Variants in CCN4 observed in about 807,000 individuals in gnomAD.
CCN4 encodes the protein CCN family member 4.
A neutral mutation model predicts 36.7 loss-of-function variants in CCN4; 30 were observed. The ratio of observed to expected loss-of-function variants is 0.82; its 90% CI spans 0.61 to 1.11. The LOEUF is 1.11. Among genes scored for constraint, CCN4 ranks in the 50% least tolerant of loss-of-function variants. The pLI is 0.00. For synonymous variants in CCN4, 191 were observed against 195.4 expected, an observed-to-expected ratio of 0.98 and a Z score of 0.19; for missense variants, 505 against 504.9, an observed-to-expected ratio of 1.00 and a Z score of 0.00.
chr8:133,205,759 A>C (rs776190022), intron 1 of CCN4, among the ~76,000 whole-genome samples: 1 of 152,196 alleles, frequency 6.6e-6, no homozygotes, highest in Non-Finnish European at 1.5e-5. Flanking sequence ...CAGCCCCCAG[A>C]AGGAAAGCAC....
intron 1 of CCN4, among the ~76,000 whole-genome samples, chr8:133,203,437 C>T (rs1338841537): frequency 6.6e-5 from 10 of 152,148 alleles, no homozygotes; most frequent in Admixed American, 5.9e-4. Flanking sequence ...AAGGGTTCTG[C>T]AGGGACACTC....
chr8:133,206,940 A>G lies in CCN4; in HGVS notation c.70-5924A>G, dbSNP rs1853797183. On this transcript the variant is annotated intron_variant, in intron 1 of 4. Transcript: ENST00000250160. ...GAGGAGTGAAAGCCGCCATGGCACC[A>G]TGCACCTCCAGTTGATCAGGGCCCC... 2.0e-5 allele frequency among the ~76,000 whole-genome samples: 3 copies of G among 152,138 alleles called. 1 individual carries two copies. In the South Asian group the frequency reaches 6.2e-4, roughly 31 times the overall value.
intron 1 of CCN4, among the ~76,000 whole-genome samples, chr8:133,196,397 A>C (rs971818048): frequency 3.3e-5 from 5 of 152,254 alleles, no homozygotes; most frequent in Non-Finnish European, 7.3e-5. Context: ...CTCCATATTG[A>C]GATGATAATA....
intron 1 of CCN4, among the ~76,000 whole-genome samples, chr8:133,206,610 GTGTGTA>G (rs1212098278): frequency 6.6e-6 from 1 of 152,198 alleles, no homozygotes; most frequent in African/African-American, 2.4e-5. Flanking sequence ...GCGCATGTGT[GTGTGTA>G]TGACAGAGAC....
intron 1 of CCN4, among the ~76,000 whole-genome samples, chr8:133,202,767 GT>G (rs1241476761): frequency 6.6e-6 from 1 of 152,204 alleles, no homozygotes; most frequent in Non-Finnish European, 1.5e-5. Flanking sequence ...CAGGACCACT[GT>G]CCCAGGCCCC....
intron 2 of CCN4, among the ~76,000 whole-genome samples, chr8:133,216,410 G>A (rs1301631371): frequency 6.6e-6 from 1 of 152,104 alleles, no homozygotes; most frequent in Non-Finnish European, 1.5e-5. Context: ...GCAAGCCCTG[G>A]CTTTCAGAGA....
intron 2 of CCN4, among the ~76,000 whole-genome samples, chr8:133,218,237 A>T (rs1854397797): frequency 1.3e-5 from 2 of 152,162 alleles, no homozygotes; most frequent in Admixed American, 1.3e-4. Flanking sequence ...TCATGAAGTC[A>T]TTGGGAGAAC....
intron 1 of CCN4, among the ~76,000 whole-genome samples, chr8:133,192,427 C>A (rs1463275524): frequency 6.6e-6 from 1 of 152,142 alleles, no homozygotes; most frequent in African/African-American, 2.4e-5. Context: ...ATAGTTGGTT[C>A]AGAACCACCT....
Position 133,208,886 on chromosome 8 carries a change from T to C in CCN4, c.70-3978T>C, listed in dbSNP as rs192775813. ...GCACAAAATAAAAGCTGACTACAGG[T>C]GTGTTGAATAAATAAATGAAAGGGA... On this transcript the variant is annotated intron_variant, in intron 1 of 4. Transcript: ENST00000250160. 2.0e-3 allele frequency among the ~76,000 whole-genome samples: 301 copies of C among 152,126 alleles called. 2 individuals carry two copies. Among genetic ancestry groups the C allele is most frequent in the African/African-American group, 7.0e-3 (292 of 41,506 alleles).
chr8:133,222,542 G>A (rs914763597), intron 3 of CCN4, among the ~76,000 whole-genome samples: 4 of 151,596 alleles, frequency 2.6e-5, no homozygotes, highest in Non-Finnish European at 5.9e-5. Flanking sequence ...GGCTGGGATG[G>A]CCTGAGGGTA....
intron 1 of CCN4, among the ~76,000 whole-genome samples, chr8:133,208,805 A>C (rs1853876837): frequency 6.6e-6 from 1 of 151,998 alleles, no homozygotes. Flanking sequence ...CTGTCATCCC[A>C]CAGGCAGGTC....
At chr8:133,220,933 C>T (rs568122534) in intron 3 of CCN4, 92 bp downstream of exon 3, 1 of 1,465,096 alleles carries the variant, frequency 6.8e-7, no homozygotes, top group East Asian at 2.4e-5. Context: ...TGACTCATTC[C>T]CCAGTCCACT....
intron 1 of CCN4, among the ~76,000 whole-genome samples, chr8:133,204,312 A>C (rs2004891): frequency 0.23 from 34,598 of 152,150 alleles, 4,561 homozygotes; most frequent in Non-Finnish European, 0.29. Context: ...TATGTTCTGC[A>C]GGTCTGCGTG....
chr8:133,200,815 G>T (rs1853562591), intron 1 of CCN4, among the ~76,000 whole-genome samples: 1 of 152,170 alleles, frequency 6.6e-6, no homozygotes, highest in South Asian at 2.1e-4. Context: ...GCCCCTGACT[G>T]CCATCTCCGT....
At chr8:133,195,319 G>GGTGTGT (rs368120068) in intron 1 of CCN4, among the ~76,000 whole-genome samples, 2 of 150,752 alleles carry the variant, frequency 1.3e-5, no homozygotes, top group African/African-American at 4.9e-5. Context: ...TTGCGTGTGT[G>GGTGTGT]GTGTGTGTGT....
At chr8:133,198,818 C>T (rs972004308) in intron 1 of CCN4, among the ~76,000 whole-genome samples, 3 of 152,244 alleles carry the variant, frequency 2.0e-5, no homozygotes, top group Admixed American at 1.3e-4. Context: ...AAAGCCAAGC[C>T]CTTTGTCGCT....
At chr8:133,225,341 G>A in intron 3 of CCN4, 49 bp from the exon 4 acceptor site, 1 of 1,517,844 alleles carries the variant, frequency 6.6e-7, no homozygotes, top group Non-Finnish European at 8.9e-7. Flanking sequence ...TGAGGGTTGG[G>A]GGCTGGTGGG....
chr8:133,207,798 T>C lies in CCN4; in HGVS notation c.70-5066T>C, dbSNP rs190662114. ...GAACAGATGGGCGGCATGTGGTTTC[T>C]GCCTTCAAAGGATGGCAGATTGGTT... On this transcript the variant is annotated intron_variant, in intron 1 of 4. Transcript: ENST00000250160. 2.0e-3 allele frequency among the ~76,000 whole-genome samples: 303 copies of C among 152,356 alleles called. 1 individual carries two copies. Among genetic ancestry groups the C allele is most frequent in the African/African-American group, 6.2e-3 (258 of 41,574 alleles).
At chr8:133,225,653 G>A in intron 4 of CCN4, 70 bp downstream of exon 4, 1 of 1,404,338 alleles carries the variant, frequency 7.1e-7, no homozygotes, top group South Asian at 1.7e-5. Context: ...CCTGGCTCCT[G>A]AACTTCCTCG....
Sources: gnomAD v4.1 joint callset for allele counts (sites outside exome capture counted in the v4.1 genomes callset) on GRCh38, gnomAD v4.1.1 for gene constraint, MANE v1.5 for transcripts, NCBI Gene and HGNC (gene_info 2026-07-23, HGNC 2026-07-21) for gene names.